FAM169A: variants seen among roughly 807,000 people sequenced by gnomAD.
FAM169A encodes family with sequence similarity 169 member A.
Under a neutral mutation model 75.7 loss-of-function variants are expected in FAM169A, and 24 were observed. The observed-to-expected ratio is 0.32, with a 90% CI of 0.23 to 0.45. The LOEUF is 0.45. FAM169A is among the 20% of genes least tolerant of loss of function. FAM169A has a pLI of 1.00. For synonymous variants in FAM169A, 271 were observed against 271.0 expected (o/e 1.00, Z 0.00); for missense variants, 673 against 784.0 (o/e 0.86, Z 1.69).
chr5:74,790,695 G>C (rs1425179116), intron 11 of FAM169A, among the ~76,000 whole-genome samples: 2 of 152,208 alleles, frequency 1.3e-5, no homozygotes, highest in African/African-American at 4.8e-5. Context: ...TGGCCATGGT[G>C]ACAGGGATGG....
chr5:74,808,373 C>T (rs915631869), intron 6 of FAM169A, among the ~76,000 whole-genome samples: 2 of 152,062 alleles, frequency 1.3e-5, no homozygotes, highest in African/African-American at 4.8e-5. Context: ...GTAAGCCAGA[C>T]ACAGAAAAAT....
chr5:74,835,693 A>G (rs1349228205), intron 4 of FAM169A, among the ~76,000 whole-genome samples: 3 of 151,862 alleles, frequency 2.0e-5, no homozygotes, highest in African/African-American at 7.3e-5. Context: ...AGTTCAGTGG[A>G]TAGAGAAAAG....
In FAM169A at chr5:74,849,332, G is replaced by T. The variant is rs539984537; in HGVS notation, c.-3-7653C>A. Among the ~76,000 whole-genome samples, 16 of 151,886 alleles carry T rather than the reference G, an allele frequency of 1.1e-4. No homozygotes were observed. The East Asian group carries it at 1.2e-3, about 11-fold the overall frequency. ...TGTGATTTTTTCCCTATTTATTGTT[G>T]ATTACTGGATGCCAACTATATTCTG... On this transcript the variant is annotated intron_variant, in intron 1 of 12. Transcript: ENST00000687041.
At chr5:74,812,559 C>A (rs767475131) in intron 6 of FAM169A, among the ~76,000 whole-genome samples, 2 of 151,988 alleles carry the variant, frequency 1.3e-5, no homozygotes, top group African/African-American at 2.4e-5. Flanking sequence ...AGATAACAGG[C>A]ATATGCCACC....
At chr5:74,817,679 G>A (rs951046412) in intron 5 of FAM169A, among the ~76,000 whole-genome samples, 1 of 152,050 alleles carries the variant, frequency 6.6e-6, no homozygotes, top group Non-Finnish European at 1.5e-5. Flanking sequence ...AAACACACAG[G>A]AAAATAAGGA....
At chr5:74,818,791 C>CTATA (rs1359291160) in intron 5 of FAM169A, among the ~76,000 whole-genome samples, 6 of 138,812 alleles carry the variant, frequency 4.3e-5, no homozygotes, top group Non-Finnish European at 7.7e-5. Context: ...CTCTCTCTCT[C>CTATA]TCTCTCTCTC....
chr5:74,823,366 A>C (rs1458405190), intron 5 of FAM169A, among the ~76,000 whole-genome samples: 1 of 152,154 alleles, frequency 6.6e-6, no homozygotes, highest in African/African-American at 2.4e-5. Context: ...TCTTACTGAC[A>C]AACTACTTAC....
intron 11 of FAM169A, among the ~76,000 whole-genome samples, chr5:74,793,375 C>A (rs530949681): frequency 6.6e-6 from 1 of 151,144 alleles, no homozygotes; most frequent in South Asian, 2.1e-4. Context: ...TACTACTCAG[C>A]CACAAAAATG....
At chr5:74,848,855 A>T (rs996124482) in intron 1 of FAM169A, 2 of 152,190 alleles carry the variant, frequency 1.3e-5, no homozygotes, top group African/African-American at 4.8e-5. Context: ...ATAGGTTGCT[A>T]TGATAAATCC....
chr5:74,841,826 C>T (rs1748882106), intron 1 of FAM169A, 147 bp from the exon 2 acceptor site: 3 of 648,612 alleles, frequency 4.6e-6, no homozygotes, highest in Non-Finnish European at 7.6e-6. Flanking sequence ...ACAACTTGAA[C>T]CTGCTGATTT....
chr5:74,803,715 C>G (rs1259619928), intron 8 of FAM169A, among the ~76,000 whole-genome samples: 1 of 152,102 alleles, frequency 6.6e-6, no homozygotes, highest in African/African-American at 2.4e-5. Context: ...CCTGGTAAGT[C>G]CTGTGGAGTT....
chr5:74,839,866 C>T (rs1453532842), intron 3 of FAM169A, among the ~76,000 whole-genome samples: 1 of 152,046 alleles, frequency 6.6e-6, no homozygotes, highest in Non-Finnish European at 1.5e-5. Flanking sequence ...ATTACCCAGT[C>T]TCAAGAAGTT....
chr5:74,799,179 C>A, intron 10 of FAM169A: 2 of 1,161,032 alleles, frequency 1.7e-6, no homozygotes, highest in Non-Finnish European at 2.6e-6. Context: ...ACTGGGCTCC[C>A]AAGCATGACC....
chr5:74,836,340 C>A (rs1263991094), intron 4 of FAM169A, among the ~76,000 whole-genome samples: 1 of 151,984 alleles, frequency 6.6e-6, no homozygotes, highest in Non-Finnish European at 1.5e-5. Context: ...TTTAATTCTG[C>A]CCTTCACAGA....
At chr5:74,803,588 C>T (rs936267602) in intron 8 of FAM169A, among the ~76,000 whole-genome samples, 4 of 152,036 alleles carry the variant, frequency 2.6e-5, no homozygotes, top group African/African-American at 9.7e-5. Flanking sequence ...AACTTAGATA[C>T]ACACATACAA....
chr5:74,847,439 C>G (rs1456339259), intron 1 of FAM169A, among the ~76,000 whole-genome samples: 2 of 152,078 alleles, frequency 1.3e-5, no homozygotes, highest in African/African-American at 4.8e-5. Flanking sequence ...CAAAGTTCAT[C>G]CACGTTGTAG....
In FAM169A at chr5:74,807,370, T is replaced by C. The variant is rs376612978; in HGVS notation, c.671-2086A>G. Among the ~76,000 whole-genome samples, 9 of 152,324 alleles carry C rather than the reference T, an allele frequency of 5.9e-5. No homozygotes were observed. In the East Asian group the frequency reaches 1.2e-3, roughly 20 times the overall value. On this transcript the variant is annotated intron_variant, in intron 6 of 12. Transcript: ENST00000687041. Reference sequence around the variant, plus strand: ...AATACAGTACTCTGTAGAGTATTGGTTGGTTGCCCTTGCGATCACCTGGCT... The same window carrying C: ...AATACAGTACTCTGTAGAGTATTGGCTGGTTGCCCTTGCGATCACCTGGCT...
chr5:74,825,113 T>C (rs1047137247), intron 5 of FAM169A, among the ~76,000 whole-genome samples: 3 of 152,180 alleles, frequency 2.0e-5, no homozygotes, highest in Non-Finnish European at 2.9e-5. Context: ...CACTTTTTGA[T>C]TTCCCTTAAT....
chr5:74,792,787 T>C (rs1303834936), intron 11 of FAM169A, among the ~76,000 whole-genome samples: 1 of 152,148 alleles, frequency 6.6e-6, no homozygotes, highest in Non-Finnish European at 1.5e-5. Context: ...GGGAACACTT[T>C]TACACTACTG....
Sources: gnomAD v4.1 joint callset for allele counts (sites outside exome capture counted in the v4.1 genomes callset) on GRCh38, gnomAD v4.1.1 for gene constraint, MANE v1.5 for transcripts, NCBI Gene and HGNC (gene_info 2026-07-23, HGNC 2026-07-21) for gene names.